The following MARCHF1 variants were observed in gnomAD, a reference collection of about 807,000 sequenced individuals.
MARCHF1 encodes the protein E3 ubiquitin-protein ligase MARCHF1.
Under a neutral mutation model 54.2 loss-of-function variants are expected in MARCHF1, and 40 were observed. That is an observed-to-expected ratio of 0.74 (90% CI 0.57 to 0.96). The LOEUF is 0.96. MARCHF1 is among the 40% of genes least tolerant of loss of function. The pLI is 0.00. For synonymous variants in MARCHF1, 236 were observed against 236.3 expected, an observed-to-expected ratio of 1.00 and a Z score of 0.01; for missense variants, 586 against 656.5, an observed-to-expected ratio of 0.89 and a Z score of 1.17.
intron 1 of MARCHF1, among the ~76,000 whole-genome samples, chr4:164,317,853 G>A (rs1304365834): frequency 6.6e-6 from 1 of 152,114 alleles, no homozygotes; most frequent in Non-Finnish European, 1.5e-5. Context: ...CTAAACATGT[G>A]GAGATACCAG....
At chr4:164,371,238 A>C (rs1320139107) in intron 1 of MARCHF1, among the ~76,000 whole-genome samples, 1 of 152,188 alleles carries the variant, frequency 6.6e-6, no homozygotes, top group Non-Finnish European at 1.5e-5. Flanking sequence ...CCCTATTTCC[A>C]AAACAACTAC....
At chr4:163,944,684 C>A (rs889614477) in intron 3 of MARCHF1, among the ~76,000 whole-genome samples, 8 of 152,136 alleles carry the variant, frequency 5.3e-5, no homozygotes, top group African/African-American at 1.9e-4. Context: ...ATGTAACTTG[C>A]AATTCTTGGA....
At chr4:164,002,925 A>G (rs988341750) in intron 2 of MARCHF1, among the ~76,000 whole-genome samples, 1 of 152,008 alleles carries the variant, frequency 6.6e-6, no homozygotes, top group Non-Finnish European at 1.5e-5. Context: ...AACACAAATG[A>G]AAACATTCTT....
At chr4:164,325,018 C>T (rs757571390) in intron 1 of MARCHF1, among the ~76,000 whole-genome samples, 6 of 151,468 alleles carry the variant, frequency 4.0e-5, no homozygotes, top group Non-Finnish European at 8.8e-5. Context: ...AAAAGAATAT[C>T]GAGAGTGGAC....
intron 8 of MARCHF1, among the ~76,000 whole-genome samples, chr4:163,574,695 C>T (rs547433993): frequency 6.6e-6 from 1 of 151,972 alleles, no homozygotes; most frequent in Non-Finnish European, 1.5e-5. Flanking sequence ...GGTACCAGTA[C>T]CATGCTGTTT....
chr4:163,649,476 A>G (rs923832617), intron 5 of MARCHF1, among the ~76,000 whole-genome samples: 10 of 152,024 alleles, frequency 6.6e-5, no homozygotes, highest in African/African-American at 1.2e-4. Context: ...CCAGAGATTG[A>G]TCTGGTGAAA....
chr4:164,326,156 A>G (rs1735275497), intron 1 of MARCHF1, among the ~76,000 whole-genome samples: 1 of 152,212 alleles, frequency 6.6e-6, no homozygotes. Context: ...TTTTTAAAAA[A>G]TTCTTGCCTT....
At chr4:163,727,028 C>T (rs1324119246) in intron 4 of MARCHF1, among the ~76,000 whole-genome samples, 1 of 152,136 alleles carries the variant, frequency 6.6e-6, no homozygotes, top group Non-Finnish European at 1.5e-5. Flanking sequence ...CCTGTCTTCT[C>T]ATTATCTTGG....
chr4:164,280,280 T>G (rs947856102), intron 1 of MARCHF1, among the ~76,000 whole-genome samples: 3 of 152,000 alleles, frequency 2.0e-5, no homozygotes, highest in Non-Finnish European at 4.4e-5. Flanking sequence ...AAAGCAGAAC[T>G]GAAATGTCAA....
intron 4 of MARCHF1, among the ~76,000 whole-genome samples, chr4:163,759,463 AT>A (rs1323380594): frequency 6.6e-6 from 1 of 152,186 alleles, no homozygotes; most frequent in Non-Finnish European, 1.5e-5. Flanking sequence ...GTAAGTTACA[AT>A]CTGCCACCAG....
chr4:163,992,822 G>C (rs1167032643), intron 2 of MARCHF1, among the ~76,000 whole-genome samples: 1 of 149,866 alleles, frequency 6.7e-6, no homozygotes, highest in African/African-American at 2.5e-5. Context: ...TAAATGCATT[G>C]ATACAAGACA....
chr4:164,197,739 C>T, intron 1 of MARCHF1: 1 of 1,610,970 alleles, frequency 6.2e-7, no homozygotes, highest in Non-Finnish European at 8.5e-7. Context: ...TGCAGAGGCT[C>T]TCGTGCCAGC....
intron 1 of MARCHF1, among the ~76,000 whole-genome samples, chr4:164,112,428 C>A (rs1755853481): frequency 6.6e-6 from 1 of 151,738 alleles, no homozygotes; most frequent in Non-Finnish European, 1.5e-5. Flanking sequence ...TATTCTTTTT[C>A]TGCATGTAGA....
intron 1 of MARCHF1, among the ~76,000 whole-genome samples, chr4:164,115,297 A>C (rs1755917463): frequency 6.6e-6 from 1 of 152,080 alleles, no homozygotes; most frequent in Non-Finnish European, 1.5e-5. Context: ...TCACAGTGTT[A>C]GATATTTATA....
intron 1 of MARCHF1, among the ~76,000 whole-genome samples, chr4:164,209,844 A>T (rs1731715731): frequency 1.3e-5 from 2 of 152,192 alleles, no homozygotes; most frequent in Admixed American, 1.3e-4. Context: ...AAGAAAATTT[A>T]GATTTCATGG....
At chr4:163,893,149 T>A (rs9986111) in intron 3 of MARCHF1, among the ~76,000 whole-genome samples, 70,122 of 151,478 alleles carry the variant, frequency 0.46, 16,801 homozygotes, top group East Asian at 0.71. Context: ...TTAAAAAAAA[T>A]TTTTTTTTGA....
intron 5 of MARCHF1, among the ~76,000 whole-genome samples, chr4:163,644,451 C>G (rs1433742088): frequency 2.0e-5 from 3 of 152,172 alleles, no homozygotes; most frequent in Non-Finnish European, 2.9e-5. Flanking sequence ...TCCAGCTCCT[C>G]TCAGCTATGG....
chr4:164,264,214 T>C (rs1458118580), intron 1 of MARCHF1, among the ~76,000 whole-genome samples: 1 of 152,200 alleles, frequency 6.6e-6, no homozygotes, highest in East Asian at 1.9e-4. Context: ...CCCTCTATCA[T>C]CCTTAGCAAA....
chr4:163,564,148 C>T (rs1164813061), intron 8 of MARCHF1, among the ~76,000 whole-genome samples: 1 of 152,170 alleles, frequency 6.6e-6, no homozygotes, highest in Non-Finnish European at 1.5e-5. Flanking sequence ...CTGTTCGGTA[C>T]ATATTTCTAT....
Sources: gnomAD v4.1 joint callset for allele counts (sites outside exome capture counted in the v4.1 genomes callset) on GRCh38, gnomAD v4.1.1 for gene constraint, MANE v1.5 for transcripts, NCBI Gene and HGNC (gene_info 2026-07-23, HGNC 2026-07-21) for gene names.